The following NSMCE2 variants were observed in gnomAD, a reference collection of about 807,000 sequenced individuals.
The protein encoded by NSMCE2 is NSE2 SUMO ligase component of SMC5/6 complex, also known as E3 SUMO-protein ligase NSE2.
NSMCE2 carries 24 observed loss-of-function variants against 23.8 expected under a neutral mutation model. The observed-to-expected ratio is 1.01, with a 90% CI of 0.73 to 1.42. The LOEUF (loss-of-function observed/expected upper bound fraction) is 1.42. NSMCE2 is among the 40% of genes most tolerant of loss of function. The probability of loss-of-function intolerance (pLI) is 0.00; values close to 1 mark genes in which losing one functional copy is unlikely to be tolerated. For synonymous variants in NSMCE2, 92 were observed against 94.1 expected, an observed-to-expected ratio of 0.98 and a Z score of 0.13; for missense variants, 284 against 296.5, an observed-to-expected ratio of 0.96 and a Z score of 0.31.
intron 5 of NSMCE2, among the ~76,000 whole-genome samples, chr8:125,213,665 CTTT>C (rs1251091584): frequency 1.4e-4 from 20 of 148,146 alleles, no homozygotes; most frequent in African/African-American, 4.8e-4. Context: ...GTTTCTCTCT[CTTT>C]CTCTCTTTCT....
At chr8:125,221,710 A>G (rs184237663) in intron 5 of NSMCE2, among the ~76,000 whole-genome samples, 2 of 152,372 alleles carry the variant, frequency 1.3e-5, no homozygotes, top group East Asian at 3.9e-4. Flanking sequence ...TATGTTTCAT[A>G]TGTAGCTTAC....
intron 4 of NSMCE2, among the ~76,000 whole-genome samples, chr8:125,177,816 A>G (rs1822570756): frequency 6.6e-6 from 1 of 151,948 alleles, no homozygotes; most frequent in Admixed American, 6.6e-5. Flanking sequence ...AGTTTTTCAG[A>G]GTTCCTTTTG....
intron 5 of NSMCE2, among the ~76,000 whole-genome samples, chr8:125,344,102 T>C (rs1037173331): frequency 1.2e-4 from 18 of 152,208 alleles, no homozygotes; most frequent in African/African-American, 4.3e-4. Flanking sequence ...TTACCCAAAT[T>C]GAAATGTTGC....
At chr8:125,183,207 A>G (rs1383520663) in intron 5 of NSMCE2, among the ~76,000 whole-genome samples, 1 of 152,208 alleles carries the variant, frequency 6.6e-6, no homozygotes, top group Non-Finnish European at 1.5e-5. Context: ...ATTTTGAAAT[A>G]GGCTTTCTTT....
Position 125,143,527 on chromosome 8 carries a change from C to T in NSMCE2, c.158-7644C>T, listed in dbSNP as rs148137213. ...TATATGAGTCATGTTGAATTGGAGT[C>T]AGCAACCCCTTAAGAACACTAAATG... On this transcript the variant is annotated intron_variant, in intron 3 of 7. Coordinates refer to ENST00000287437, the MANE Select transcript of NSMCE2 (RefSeq NM_173685.4). Among the ~76,000 whole-genome samples the T allele has an allele frequency of 5.1e-4, 77 of 152,244 alleles. 1 individual carries two copies. The East Asian group carries it at 0.013, about 26-fold the overall frequency.
chr8:125,363,285 T>G (rs1813636263), intron 7 of NSMCE2: 1 of 152,180 alleles, frequency 6.6e-6, no homozygotes, highest in African/African-American at 2.4e-5. Flanking sequence ...GGTGGATCAC[T>G]TGAGCTCAGG....
intron 3 of NSMCE2, among the ~76,000 whole-genome samples, chr8:125,131,128 A>G (rs1322157861): frequency 6.6e-6 from 1 of 152,172 alleles, no homozygotes; most frequent in Non-Finnish European, 1.5e-5. Flanking sequence ...TCTGGATTCT[A>G]TTACAGGATC....
At chr8:125,338,148 A>G (rs931536956) in intron 5 of NSMCE2, among the ~76,000 whole-genome samples, 2 of 152,148 alleles carry the variant, frequency 1.3e-5, no homozygotes, top group South Asian at 4.1e-4. Context: ...GTGACCTCCC[A>G]GGTCACATAG....
chr8:125,115,158 T>C (rs1818940271), intron 3 of NSMCE2, among the ~76,000 whole-genome samples: 1 of 152,074 alleles, frequency 6.6e-6, no homozygotes, highest in Non-Finnish European at 1.5e-5. Context: ...ACTAAGAAAT[T>C]TGGGTGTTGG....
intron 3 of NSMCE2, among the ~76,000 whole-genome samples, chr8:125,127,241 A>G (rs1188452561): frequency 6.6e-6 from 1 of 152,202 alleles, no homozygotes; most frequent in Non-Finnish European, 1.5e-5. Flanking sequence ...TTGGTTATAA[A>G]GGGAATTAGT....
chr8:125,173,956 C>T lies in NSMCE2; in HGVS notation c.265-8147C>T, dbSNP rs529615937. ...TAATGATATTTTTGTGTATATAAGG[C>T]TTTGAACCACTCAGACGAAAGGTGC... On this transcript the variant is annotated intron_variant, in intron 4 of 7. Coordinates refer to ENST00000287437, the MANE Select transcript of NSMCE2 (RefSeq NM_173685.4). Among the ~76,000 whole-genome samples the T allele has an allele frequency of 4.7e-4, 72 of 152,206 alleles. 2 individuals carry two copies. The highest frequency in any genetic ancestry group is 3.1e-3 in the East Asian group (16 of 5,182).
At chr8:125,162,775 C>G (rs1821691140) in intron 4 of NSMCE2, among the ~76,000 whole-genome samples, 1 of 152,174 alleles carries the variant, frequency 6.6e-6, no homozygotes, top group Non-Finnish European at 1.5e-5. Flanking sequence ...TCTAAACCAC[C>G]TAAACTTGGA....
chr8:125,239,377 G>C (rs1825676154), intron 5 of NSMCE2, among the ~76,000 whole-genome samples: 1 of 152,102 alleles, frequency 6.6e-6, no homozygotes, highest in Admixed American at 6.5e-5. Flanking sequence ...GGGAGGCCAG[G>C]GTGGGCAGAT....
chr8:125,332,369 A>C (rs1829911723), intron 5 of NSMCE2, among the ~76,000 whole-genome samples: 1 of 152,198 alleles, frequency 6.6e-6, no homozygotes, highest in Non-Finnish European at 1.5e-5. Context: ...CCATGCTAAT[A>C]GTATTGTATG....
At chr8:125,218,921 A>G (rs908272619) in intron 5 of NSMCE2, among the ~76,000 whole-genome samples, 3 of 152,212 alleles carry the variant, frequency 2.0e-5, no homozygotes, top group Non-Finnish European at 2.9e-5. Flanking sequence ...CCTGTAACCA[A>G]TATTTTAACA....
At chr8:125,292,815 T>A (rs1828161398) in intron 5 of NSMCE2, among the ~76,000 whole-genome samples, 1 of 152,204 alleles carries the variant, frequency 6.6e-6, no homozygotes, top group South Asian at 2.1e-4. Context: ...GGGGGTAGTG[T>A]GTGCTTTCCC....
At chr8:125,328,953 C>A (rs527555723) in intron 5 of NSMCE2, among the ~76,000 whole-genome samples, 1 of 152,288 alleles carries the variant, frequency 6.6e-6, no homozygotes, top group Admixed American at 6.5e-5. Context: ...TTCTTGGCTG[C>A]CTGCATGAGG....
intron 7 of NSMCE2, among the ~76,000 whole-genome samples, chr8:125,358,227 G>C (rs1813370704): frequency 2.0e-5 from 3 of 151,906 alleles, no homozygotes; most frequent in Admixed American, 2.0e-4. Context: ...CAGCTACTCG[G>C]GAGGCTGAGG....
At chr8:125,162,552 A>C (rs1445032701) in intron 4 of NSMCE2, among the ~76,000 whole-genome samples, 1 of 151,962 alleles carries the variant, frequency 6.6e-6, no homozygotes, top group Non-Finnish European at 1.5e-5. Flanking sequence ...CATAGGCTCT[A>C]TGCTCGCTTG....
Sources: allele counts gnomAD v4.1 joint callset (sites outside exome capture counted in the v4.1 genomes callset), GRCh38; gene constraint gnomAD v4.1.1; transcripts MANE v1.5; gene names NCBI Gene and HGNC (gene_info 2026-07-23, HGNC 2026-07-21).